Variants in CDC37 observed in about 807,000 individuals in gnomAD.
CDC37 encodes the protein cell division cycle 37, HSP90 cochaperone.
A neutral mutation model predicts 46.9 loss-of-function variants in CDC37; 9 were observed. The ratio of observed to expected loss-of-function variants is 0.19; its 90% CI spans 0.12 to 0.33. The LOEUF is 0.33. CDC37 is among the 10% of genes least tolerant of loss of function. CDC37 has a pLI of 1.00. For synonymous variants in CDC37, 193 were observed against 191.0 expected, an observed-to-expected ratio of 1.01 and a Z score of -0.09; for missense variants, 388 against 514.6, an observed-to-expected ratio of 0.75 and a Z score of 2.38.
chr19:10,392,684 G>A, intron 7 of CDC37: 1 of 227,914 alleles, frequency 4.4e-6, no homozygotes, highest in Non-Finnish European at 8.8e-6. Flanking sequence ...CAGCCTGGGT[G>A]AGAGAGGAAG....
rs765597038 is a variant in CDC37 at position 10,395,371 on chromosome 19, G to A, written c.488-28C>T. 13 of 1,609,272 alleles carry A rather than the reference G, an allele frequency of 8.1e-6. No individual in the cohort carries two copies. The Admixed American group carries it at 2.0e-4, about 25-fold the overall frequency. On this transcript the variant is annotated intron_variant, in intron 3 of 7. Transcript: ENST00000222005. ...GTGGGAAGATGCTGGCAAGGTGCTGGAGGGCCCTGGAGGCAAAGGGCCTGC... is the reference window on the plus strand; with the variant it reads ...GTGGGAAGATGCTGGCAAGGTGCTGAAGGGCCCTGGAGGCAAAGGGCCTGC...
In CDC37 at chr19:10,391,485, C is replaced by A; in HGVS notation, c.*66G>T. On this transcript the variant is annotated 3_prime_UTR_variant, in exon 8 of 8. Coordinates refer to ENST00000222005, the MANE Select transcript of CDC37 (RefSeq NM_007065.4). The stretch of plus-strand genomic sequence containing the variant: ...AAGTCAGGAGCGGGCGAGATGGCAT[C>A]TATCTGTTTTCTGAAAAGGGGCACA... 1 of 1,587,414 alleles carries A rather than the reference C, an allele frequency of 6.3e-7. No individual in the cohort carries two copies. Among genetic ancestry groups the A allele is most frequent in the Non-Finnish European group, 8.6e-7 (1 of 1,156,378 alleles).
At chr19:10,395,194 G>A (rs780337347) in intron 4 of CDC37, 34 bp downstream of exon 4, 12 of 1,613,336 alleles carry the variant, frequency 7.4e-6, no homozygotes, top group East Asian at 6.7e-5. Flanking sequence ...TCATGGCAGC[G>A]CCTTTTCACA....
chr19:10,393,229 C>T lies in CDC37; in HGVS notation c.909+30G>A. 1 of 1,612,842 alleles carries T rather than the reference C, an allele frequency of 6.2e-7. No individual in the cohort carries two copies. Among genetic ancestry groups the T allele is most frequent in the Non-Finnish European group, 8.5e-7 (1 of 1,179,336 alleles). ...CTGGGGGGTCCCGCTCAGGGTCTTC[C>T]TGCTGCCCGCCTGGGCCGGGGAGCC... On this transcript the variant is annotated intron_variant, in intron 6 of 7. Coordinates refer to ENST00000222005, the MANE Select transcript of CDC37 (RefSeq NM_007065.4). The surrounding 1 kb of genome is among the most constrained non-coding windows in gnomAD (Gnocchi z 4.9).
At position 10,391,230 on chromosome 19, in the gene CDC37, C is replaced by A. The variant is rs1479579261; in HGVS notation, c.*321G>T. ...TGAAAACAGAGCCCAGTGACGAGAG[C>A]CGGCCCCTTGGCTGGGGACCCTCCC... On this transcript the variant is annotated 3_prime_UTR_variant, in exon 8 of 8. Transcript: ENST00000222005. The A allele has an allele frequency of 1.8e-5, 7 of 393,898 alleles. No homozygotes were observed. The highest frequency in any genetic ancestry group is 4.2e-5 in the African/African-American group (2 of 47,996). 24.4% of individuals were successfully genotyped at this position (393,898 alleles called of 1,614,324 possible). A position where few individuals can be genotyped will look rare whatever the true frequency, so the allele number is the denominator to read the frequency against.
At chr19:10,399,680 C>A (rs2042508428) in intron 1 of CDC37, among the ~76,000 whole-genome samples, 1 of 151,226 alleles carries the variant, frequency 6.6e-6, no homozygotes, top group Non-Finnish European at 1.5e-5. Flanking sequence ...TGCCTGTAAT[C>A]CCAACACTTT....
Position 10,395,124 on chromosome 19 carries a change from T to C in CDC37, c.623A>G (p.Gln208Arg). The change falls in exon 5 of 8, where the codon CAG (glutamine) becomes CGG (arginine). Residue 208 changes from glutamine to arginine, a missense_variant. Coordinates refer to ENST00000222005, the MANE Select transcript of CDC37 (RefSeq NM_007065.4). ...EVEEKCALME[Q>R]VAHQTIVMQF... The stretch of plus-strand genomic sequence containing the variant: ...CATGACGATTGTCTGGTGGGCCACC[T>C]GCTCCATGAGTGCACATTTCTGCCA... 6.3e-7 allele frequency: 1 copy of C among 1,588,518 alleles called. No homozygotes were observed. Among genetic ancestry groups the C allele is most frequent in the Non-Finnish European group, 8.6e-7 (1 of 1,163,378 alleles).
Position 10,396,186 on chromosome 19 carries a change from C to G in CDC37, c.120G>C (p.Met40Ile). 6.2e-7 allele frequency: 1 copy of G among 1,613,928 alleles called. No individual in the cohort carries two copies. ...CCTCCTTCTCCTTCTGGAACTGCTC[C>G]ATGCGTTCCACCCGGGCCTGCGGGC... ...RWRHQARVER[M>I]EQFQKEKEEL... Residue 40 changes from methionine to isoleucine, a missense_variant, in exon 2 of 8, where the codon ATG (methionine) becomes ATC (isoleucine). This residue lies in a region of CDC37 where 374 missense variants were observed against 467.4 expected (regional missense o/e 0.80). Coordinates refer to ENST00000222005, the MANE Select transcript of CDC37 (RefSeq NM_007065.4). The surrounding 1 kb of genome is among the most constrained non-coding windows in gnomAD (Gnocchi z 5.9).
In CDC37 at chr19:10,395,015, C is replaced by T. The variant is rs753219911; in HGVS notation, c.726+6G>A. On this transcript the variant is annotated splice_donor_region_variant and intron_variant, in intron 5 of 7. Transcript: ENST00000222005. Reference sequence around the variant, plus strand: ...CTCCAGCCACCTGGCAGCTCAGGGACCCTACCTTAATCTTAGTGAAGAACT... The same window carrying T: ...CTCCAGCCACCTGGCAGCTCAGGGATCCTACCTTAATCTTAGTGAAGAACT... The T allele has an allele frequency of 2.0e-6, 3 of 1,516,902 alleles. No homozygotes were observed. The highest frequency in any genetic ancestry group is 4.4e-5 in the Admixed American group (2 of 44,954). The allele number at this position is 1,516,902 out of a possible 1,614,324, so 94.0% of individuals were successfully genotyped here. A position where few individuals can be genotyped will look rare whatever the true frequency, so the allele number is the denominator to read the frequency against.
rs1460637682 is a variant in CDC37 at position 10,396,151 on chromosome 19, C to T, written c.155G>A (p.Arg52Lys). The T allele has an allele frequency of 1.2e-6, 2 of 1,614,134 alleles. No individual in the cohort carries two copies. Among genetic ancestry groups the T allele is most frequent in the Non-Finnish European group, 1.7e-6 (2 of 1,180,012 alleles). Residue 52 changes from arginine to lysine, a missense_variant, in exon 2 of 8, where the codon AGG (arginine) becomes AAG (lysine). Around this residue, in one of 2 missense-constraint regions of CDC37, gnomAD observed 374 missense variants for 467.4 expected, o/e 0.80. Coordinates refer to ENST00000222005, the MANE Select transcript of CDC37 (RefSeq NM_007065.4). This position sits in a 1 kb window ranked among gnomAD's most constrained non-coding sequence, Gnocchi z 5.9. ...CTTGCGCTTGCACTCGCGGCAGCCCCTGTCCAGTTCCTCCTTCTCCTTCTG... is the reference window on the plus strand; with the variant it reads ...CTTGCGCTTGCACTCGCGGCAGCCCTTGTCCAGTTCCTCCTTCTCCTTCTG... The part of the protein sequence containing the change: ...QFQKEKEELD[R>K]GCRECKRKVA...
chr19:10,396,821 C>T lies in CDC37; in HGVS notation c.103-618G>A, dbSNP rs1037062852. 2.5e-4 allele frequency among the ~76,000 whole-genome samples: 38 copies of T among 152,192 alleles called. No individual in the cohort carries two copies. The highest frequency in any genetic ancestry group is 8.2e-4 in the African/African-American group (34 of 41,440). On this transcript the variant is annotated intron_variant, in intron 1 of 7. Transcript: ENST00000222005. This position sits in a 1 kb window ranked among gnomAD's most constrained non-coding sequence, Gnocchi z 5.9. ...CTGGGTTCAAGCGATCCTTCCCTCT[C>T]GGCCTCCCAAAGTGCTGGGACTACA...
Position 10,393,490 on chromosome 19 carries a change from G to T in CDC37, c.727-49C>A. The T allele has an allele frequency of 6.4e-7, 1 of 1,556,420 alleles. No individual in the cohort carries two copies. Among genetic ancestry groups the T allele is most frequent in the African/African-American group, 1.4e-5 (1 of 73,440 alleles). ...CTGGACCTGGCCCAACGCTCAGGAG[G>T]GACTGGGGGGCCCAGGACCCTCCAG... is the stretch of plus-strand genomic sequence containing the variant. On this transcript the variant is annotated intron_variant, in intron 5 of 7. Coordinates refer to ENST00000222005, the MANE Select transcript of CDC37 (RefSeq NM_007065.4). The surrounding 1 kb of genome is among the most constrained non-coding windows in gnomAD (Gnocchi z 4.9).
intron 3 of CDC37, 29 bp from the exon 4 acceptor site, chr19:10,395,372 A>T (rs1568354553): frequency 6.2e-7 from 1 of 1,607,508 alleles, no homozygotes; most frequent in Non-Finnish European, 8.5e-7. Flanking sequence ...AAGGTGCTGG[A>T]GGGCCCTGGA....
At chr19:10,394,907 C>A in intron 5 of CDC37, 114 bp downstream of exon 5, 2 of 1,142,186 alleles carry the variant, frequency 1.8e-6, no homozygotes, top group Non-Finnish European at 2.4e-6. Context: ...ATCTAGGATG[C>A]GGTGACTGGA....
chr19:10,403,250 T>G, intron 1 of CDC37, 128 bp downstream of exon 1: 1 of 688,346 alleles, frequency 1.5e-6, no homozygotes, highest in Non-Finnish European at 2.5e-6. Flanking sequence ...GAATCGAAGC[T>G]CCTGAAAATC....
chr19:10,393,691 G>A lies in CDC37; in HGVS notation c.727-250C>T. ...AGACACTCATGTCCTCAGTGTCCCTGCATGGGCACCTCTAACTCAACATGG... is the reference window on the plus strand; with the variant it reads ...AGACACTCATGTCCTCAGTGTCCCTACATGGGCACCTCTAACTCAACATGG... On this transcript the variant is annotated intron_variant, in intron 5 of 7. Transcript: ENST00000222005. This position sits in a 1 kb window ranked among gnomAD's most constrained non-coding sequence, Gnocchi z 4.9. 2.1e-6 allele frequency: 1 copy of A among 475,018 alleles called. No individual in the cohort carries two copies. The allele number at this position is 475,018 out of a possible 1,614,324, so 29.4% of individuals were successfully genotyped here. A position where few individuals can be genotyped will look rare whatever the true frequency, so the allele number is the denominator to read the frequency against.
At chr19:10,392,958 C>T (rs557183963) in intron 7 of CDC37, 128 bp downstream of exon 7, 59 of 773,492 alleles carry the variant, frequency 7.6e-5, no homozygotes, top group South Asian at 2.3e-4. Context: ...CAAGGTGACA[C>T]GACCCCCCTT....
rs2042460059 is a variant in CDC37, at chr19:10,392,051, C to CACT, written c.982-346_982-345insAGT. 4.6e-5 allele frequency among the ~76,000 whole-genome samples: 7 copies of CACT among 152,220 alleles called. No individual in the cohort carries two copies. The South Asian group carries it at 6.2e-4, about 14-fold the overall frequency. On this transcript the variant is annotated intron_variant, in intron 7 of 7. Coordinates refer to ENST00000222005, the MANE Select transcript of CDC37 (RefSeq NM_007065.4). Reference sequence around the variant, plus strand: ...TCCTGCCCTTAGGTGATCTGCCTGCCTTGGCCTCCCAAAGCACTGAGATTA... The same window carrying CACT: ...TCCTGCCCTTAGGTGATCTGCCTGCCACTTTGGCCTCCCAAAGCACTGAGATTA...
chr19:10,395,249 G>A lies in CDC37; in HGVS notation c.582C>T (p.Cys194=). Residue 194 remains cysteine, a synonymous_variant, in exon 4 of 8, where the codon TGC becomes TGT. Transcript: ENST00000222005. ...TCACCTCCTCCACCTCTAGGTCAAT[G>A]CACCAAATGACCAGGTAATTGGCTG... is the stretch of plus-strand genomic sequence containing the variant. The part of the protein sequence containing the change: ...EETANYLVIW[C]IDLEVEEKCA... The A allele has an allele frequency of 1.2e-6, 2 of 1,613,742 alleles. No homozygotes were observed. Among genetic ancestry groups the A allele is most frequent in the Non-Finnish European group, 1.7e-6 (2 of 1,179,670 alleles).
Sources: gnomAD v4.1 joint callset for allele counts (sites outside exome capture counted in the v4.1 genomes callset) on GRCh38, gnomAD v4.1.1 for gene constraint, gnomAD v4.1.1 regional missense constraint, Gnocchi (gnomAD v3.1) non-coding constraint, MANE v1.5 for transcripts, NCBI Gene and HGNC (gene_info 2026-07-23, HGNC 2026-07-21) for gene names.